Variants in NSD1 observed in about 807,000 individuals in gnomAD.
NSD1 encodes histone-lysine N-methyltransferase, H3 lysine-36 specific.
A neutral mutation model predicts 242.7 loss-of-function variants in NSD1; 26 were observed. The observed-to-expected ratio is 0.11, with a 90% CI of 0.08 to 0.15. The LOEUF (loss-of-function observed/expected upper bound fraction) is 0.15, where lower values mean the gene tolerates loss of function less well. Among genes scored for constraint, NSD1 ranks in the 10% least tolerant of loss-of-function variants. The pLI is 1.00. For synonymous variants in NSD1, 1,106 were observed against 1,178.1 expected (o/e 0.94, Z 1.25); for missense variants, 2,495 against 3,272.8 (o/e 0.76, Z 5.80).
intron 8 of NSD1, among the ~76,000 whole-genome samples, chr5:177,242,514 A>ATTATTTATTTATTTATTTAT (rs10605953): frequency 0.015 from 2,133 of 145,562 alleles, 41 homozygotes; most frequent in South Asian, 0.043. Context: ...AATGGCCTTT[A>ATTATTTATTTATTTATTTAT]TTATTTATTT....
rs1362275540 is a variant in NSD1 at position 177,252,536 on chromosome 5, G to GTTTTTTTTTTTTTTTTTTTTTTT, written c.4765+685_4765+686insTTTTTTTTTTTTTTTTTTTTTTT. On this transcript the variant is annotated intron_variant, in intron 12 of 22. Transcript: ENST00000439151. ...TCATAAAGCTGCGCTAAAGTAAAGT[G>GTTTTTTTTTTTTTTTTTTTTTTT]TTCTTTTTTTTTTTTTTTTTTTTTT... Among the ~76,000 whole-genome samples, 3 of 98,996 alleles carry GTTTTTTTTTTTTTTTTTTTTTTT rather than the reference G, an allele frequency of 3.0e-5. 1 individual carries two copies. The highest frequency in any genetic ancestry group is 1.1e-4 in the Admixed American group (1 of 8,754). 64.9% of individuals were successfully genotyped at this position (98,996 alleles called of 152,430 possible).
chr5:177,200,182 C>G (rs1581277153), intron 3 of NSD1, among the ~76,000 whole-genome samples: 1 of 152,144 alleles, frequency 6.6e-6, no homozygotes, highest in East Asian at 1.9e-4. Flanking sequence ...CCTCTGCCTC[C>G]TGGGTTCAAG....
chr5:177,290,107 C>T (rs991172704), intron 21 of NSD1, among the ~76,000 whole-genome samples: 7 of 151,220 alleles, frequency 4.6e-5, no homozygotes, highest in Admixed American at 2.0e-4. Context: ...GGATTACAGG[C>T]GTGAGCCACT....
rs1232738536 is a variant in NSD1 at position 177,238,380 on chromosome 5, C to T, written c.4065C>T (p.Pro1355=). The T allele has an allele frequency of 6.2e-7, 1 of 1,614,056 alleles. No homozygotes were observed. The part of the protein sequence containing the change: ...LEREAPFLEG[P]LAQSELGGGH... ...GGGAGGCTCCGTTTTTGGAGGGCCC[C>T]TTGGCTCAGTCAGAACTTGGAGGTG... Residue 1355 remains proline (P), a synonymous_variant, in exon 7 of 23, where the codon CCC becomes CCT. Transcript: ENST00000439151. This position sits in a 1 kb window ranked among gnomAD's most constrained non-coding sequence, Gnocchi z 4.6.
chr5:177,206,004 T>C (rs1359348934), intron 4 of NSD1, among the ~76,000 whole-genome samples: 2 of 151,996 alleles, frequency 1.3e-5, no homozygotes, highest in Non-Finnish European at 2.9e-5. Context: ...TATTTATTAT[T>C]ATTATTATTT....
chr5:177,210,886 A>G lies in NSD1; in HGVS notation c.2487A>G (p.Lys829=), dbSNP rs748747554. The change falls in exon 5 of 23, where the codon AAA becomes AAG. Residue 829 remains lysine, a synonymous_variant. Coordinates refer to ENST00000439151, the MANE Select transcript of NSD1 (RefSeq NM_022455.5). ...TKGSPLASIS[K]SGKVDGLKLL... ...GCTCTCCTTTGGCCAGCATTTCTAAAAGTGGGAAAGTGGATGGTCTAAAAC... is the reference window on the plus strand; with the variant it reads ...GCTCTCCTTTGGCCAGCATTTCTAAGAGTGGGAAAGTGGATGGTCTAAAAC... 9.3e-6 allele frequency: 15 copies of G among 1,614,084 alleles called. No individual in the cohort carries two copies. Among genetic ancestry groups the G allele is most frequent in the Non-Finnish European group, 1.2e-5 (14 of 1,180,052 alleles).
chr5:177,218,818 C>T (rs2149860407), intron 5 of NSD1, among the ~76,000 whole-genome samples: 1 of 151,982 alleles, frequency 6.6e-6, no homozygotes, highest in East Asian at 1.9e-4. Context: ...ATCCGCCCTC[C>T]TCGGCCTCTC....
At chr5:177,229,744 G>C in intron 5 of NSD1, 1 of 413,166 alleles carries the variant, frequency 2.4e-6, no homozygotes, top group Non-Finnish European at 4.8e-6. Context: ...ATCTTTTTAT[G>C]TATTTTTTTA....
In NSD1 at chr5:177,299,589, T is replaced by G. The variant is rs1760462166; in HGVS notation, c.*4130T>G. On this transcript the variant is annotated 3_prime_UTR_variant, in exon 23 of 23. Coordinates refer to ENST00000439151, the MANE Select transcript of NSD1 (RefSeq NM_022455.5). ...CTGCTTATGAAGATTAAGGGTAGTA[T>G]TTTCTAAGGAAGTGGAAAGAATTAA... is the stretch of plus-strand genomic sequence containing the variant. 4.3e-6 allele frequency: 1 copy of G among 233,138 alleles called. No homozygotes were observed. 14.4% of individuals were successfully genotyped at this position (233,138 alleles called of 1,614,324 possible).
chr5:177,165,549 CA>C (rs1232413060), intron 2 of NSD1, among the ~76,000 whole-genome samples: 1 of 152,088 alleles, frequency 6.6e-6, no homozygotes, highest in African/African-American at 2.4e-5. Flanking sequence ...ATATGATTCG[CA>C]AATTTTTTTC....
intron 5 of NSD1, among the ~76,000 whole-genome samples, chr5:177,219,473 C>T (rs1169912733): frequency 6.6e-6 from 1 of 152,214 alleles, no homozygotes; most frequent in Non-Finnish European, 1.5e-5. Flanking sequence ...GCGTGAGCCA[C>T]CGCGCCCGGC....
chr5:177,241,502 C>T (rs1337079189), intron 8 of NSD1, among the ~76,000 whole-genome samples: 2 of 151,442 alleles, frequency 1.3e-5, no homozygotes, highest in Non-Finnish European at 2.9e-5. Context: ...GAGACTCTCT[C>T]TCTCTCAAAA....
intron 2 of NSD1, among the ~76,000 whole-genome samples, chr5:177,177,598 G>A (rs1269927797): frequency 1.3e-5 from 2 of 151,932 alleles, no homozygotes; most frequent in Non-Finnish European, 2.9e-5. Context: ...TGGAGTGAGC[G>A]ATGACCATGC....
At chr5:177,261,279 C>G (rs1426001386) in intron 14 of NSD1, among the ~76,000 whole-genome samples, 3 of 137,964 alleles carry the variant, frequency 2.2e-5, no homozygotes, top group African/African-American at 8.1e-5. Flanking sequence ...GGGGTTTCAC[C>G]ATGTTGGCCA....
chr5:177,176,610 A>G (rs990831285), intron 2 of NSD1, among the ~76,000 whole-genome samples: 11 of 152,012 alleles, frequency 7.2e-5, no homozygotes, highest in Admixed American at 5.9e-4. Flanking sequence ...TTATTGTTCT[A>G]TTGATGTTTA....
intron 3 of NSD1, among the ~76,000 whole-genome samples, chr5:177,195,574 C>A (rs886183430): frequency 6.6e-6 from 1 of 152,120 alleles, no homozygotes; most frequent in African/African-American, 2.4e-5. Flanking sequence ...GTCAAGCGAT[C>A]TTCCCTCCTG....
In NSD1 at chr5:177,210,462, G is replaced by T. The variant is rs966901234; in HGVS notation, c.2063G>T (p.Arg688Met). 2 of 1,613,984 alleles carry T rather than the reference G, an allele frequency of 1.2e-6. No homozygotes were observed. Among genetic ancestry groups the T allele is most frequent in the Non-Finnish European group, 1.7e-6 (2 of 1,180,016 alleles). ...MQKNEKIKYS[R>M]FAATNTRVKA... is the part of the protein sequence containing the mutation. ...AAAAATGAAAAGATAAAGTATTCTA[G>T]GTTTGCTGCCACAAACACTAGGGTA... Residue 688 changes from arginine to methionine, a missense_variant, in exon 5 of 23, where the codon AGG becomes ATG. By Grantham distance (91) the Arg-to-Met change is moderately conservative. Around this residue, in one of 19 missense-constraint regions of NSD1, gnomAD observed 515 missense variants for 467.0 expected, o/e 1.10. Coordinates refer to ENST00000439151, the MANE Select transcript of NSD1 (RefSeq NM_022455.5).
chr5:177,231,157 C>T (rs557773907), intron 5 of NSD1, among the ~76,000 whole-genome samples: 1 of 152,318 alleles, frequency 6.6e-6, no homozygotes, highest in Non-Finnish European at 1.5e-5. Context: ...ACAATCCTAG[C>T]TCATTGCAGC....
At position 177,238,622 on chromosome 5, in the gene NSD1, T is replaced by C; in HGVS notation, c.4192+115T>C. 1.7e-6 allele frequency: 2 copies of C among 1,195,882 alleles called. No individual in the cohort carries two copies. Among genetic ancestry groups the C allele is most frequent in the South Asian group, 1.2e-5 (1 of 81,312 alleles). The allele number at this position is 1,195,882 out of a possible 1,614,324, so 74.1% of individuals were successfully genotyped here. A position where few individuals can be genotyped will look rare whatever the true frequency, so the allele number is the denominator to read the frequency against. On this transcript the variant is annotated intron_variant, in intron 7 of 22. Transcript: ENST00000439151. This position sits in a 1 kb window ranked among gnomAD's most constrained non-coding sequence, Gnocchi z 4.6. ...TATCTATATACAATAAACTACCCCC[T>C]TTTGTCCTGGGAAATACTTAAAATG...
Sources: allele counts gnomAD v4.1 joint callset (sites outside exome capture counted in the v4.1 genomes callset), GRCh38; gene constraint gnomAD v4.1.1; regional missense constraint gnomAD v4.1.1; non-coding constraint Gnocchi (gnomAD v3.1); transcripts MANE v1.5; gene names NCBI Gene and HGNC (gene_info 2026-07-23, HGNC 2026-07-21).